Variants in PLA2G12B observed in about 807,000 individuals in gnomAD.
PLA2G12B encodes the protein phospholipase A2 group XIIB.
In PLA2G12B, 19 loss-of-function variants were observed where a neutral mutation model predicts 22.3. The ratio of observed to expected loss-of-function variants is 0.85; its 90% confidence interval spans 0.60 to 1.25. PLA2G12B has a LOEUF of 1.25. Ranked by LOEUF, PLA2G12B falls within the 50% of genes most tolerant of loss-of-function variation. The pLI is 0.00. For synonymous variants in PLA2G12B, 81 were observed against 94.9 expected (o/e 0.85, Z 0.85); for missense variants, 191 against 246.6 (o/e 0.77, Z 1.51).
At chr10:72,940,381 C>A (rs543719985) in intron 3 of PLA2G12B, among the ~76,000 whole-genome samples, 6 of 152,082 alleles carry the variant, frequency 3.9e-5, no homozygotes, top group Non-Finnish European at 7.3e-5. Flanking sequence ...ATTATAGAGT[C>A]GGTGCTAGAA....
At chr10:72,943,900 A>T (rs1216722046) in intron 1 of PLA2G12B, among the ~76,000 whole-genome samples, 1 of 152,230 alleles carries the variant, frequency 6.6e-6, no homozygotes, top group Non-Finnish European at 1.5e-5. Context: ...CTAGTGTAAG[A>T]CTGGGGAAAT....
At chr10:72,945,734 G>A (rs2132974745) in intron 1 of PLA2G12B, among the ~76,000 whole-genome samples, 1 of 151,344 alleles carries the variant, frequency 6.6e-6, no homozygotes, top group Admixed American at 6.6e-5. Flanking sequence ...CGCAATCTCT[G>A]CCTCCCAAGT....
intron 3 of PLA2G12B, among the ~76,000 whole-genome samples, chr10:72,936,767 T>A (rs568970816): frequency 6.6e-6 from 1 of 152,320 alleles, no homozygotes; most frequent in East Asian, 1.9e-4. Context: ...GAATGATATA[T>A]CAATTTTTTT....
chr10:72,938,154 TA>T (rs1846307219), intron 3 of PLA2G12B, among the ~76,000 whole-genome samples: 1 of 148,852 alleles, frequency 6.7e-6, no homozygotes, highest in Non-Finnish European at 1.5e-5. Context: ...AAAGAAAAAT[TA>T]AAAGAAAACA....
In PLA2G12B at chr10:72,934,919, T is replaced by TAACA. The variant is rs946371047; in HGVS notation, c.*694_*697dup. 2.0e-5 allele frequency among the ~76,000 whole-genome samples: 3 copies of TAACA among 152,174 alleles called. No homozygotes were observed. Among genetic ancestry groups the TAACA allele is most frequent in the Non-Finnish European group, 4.4e-5 (3 of 68,026 alleles). ...TACATCTCAGATCTTAGCATGACTCTAACACCATTTAGTAACTGGGAATAC... is the reference window on the plus strand; with the variant it reads ...TACATCTCAGATCTTAGCATGACTCTAACAAACACCATTTAGTAACTGGGAATAC... On this transcript the variant is annotated 3_prime_UTR_variant, in exon 4 of 4. Coordinates refer to ENST00000373032, the MANE Select transcript of PLA2G12B (RefSeq NM_032562.5).
At chr10:72,943,179 T>G (rs570248977) in intron 1 of PLA2G12B, among the ~76,000 whole-genome samples, 38 of 152,294 alleles carry the variant, frequency 2.5e-4, no homozygotes, top group Non-Finnish European at 5.0e-4. Context: ...TTGGCTAGGT[T>G]GGTCTCGAAC....
At chr10:72,952,582 C>CT (rs774207785) in intron 1 of PLA2G12B, among the ~76,000 whole-genome samples, 1 of 152,160 alleles carries the variant, frequency 6.6e-6, no homozygotes, top group Non-Finnish European at 1.5e-5. Context: ...AGAGCAGACT[C>CT]GTTGTTAGGT....
At chr10:72,935,873 C>T in intron 3 of PLA2G12B, 135 bp from the exon 4 acceptor site, 2 of 1,239,084 alleles carry the variant, frequency 1.6e-6, no homozygotes, top group Non-Finnish European at 1.1e-6. Context: ...GCATCCATTT[C>T]AGAGAATGTT....
chr10:72,951,503 G>C (rs1255892999), intron 1 of PLA2G12B, among the ~76,000 whole-genome samples: 1 of 143,678 alleles, frequency 7.0e-6, no homozygotes, highest in African/African-American at 2.7e-5. Context: ...TGTTGCCCAG[G>C]CTGCAGTGCA....
chr10:72,948,454 G>A (rs545696762), intron 1 of PLA2G12B, among the ~76,000 whole-genome samples: 175 of 152,308 alleles, frequency 1.1e-3, no homozygotes, highest in African/African-American at 3.9e-3. Flanking sequence ...AATGGTTTCA[G>A]TCTAGGCAGA....
rs143300306 is a variant in PLA2G12B, at chr10:72,938,440, G to A, written c.467-2702C>T. On this transcript the variant is annotated intron_variant, in intron 3 of 3. Transcript: ENST00000373032. ...TATCTTATATACAAAAAAGCCTATG[G>A]AATCCATGAAAAAAAATATTAGAAC... 3.8e-3 allele frequency among the ~76,000 whole-genome samples: 583 copies of A among 151,970 alleles called. 2 individuals carry two copies. Among genetic ancestry groups the A allele is most frequent in the Non-Finnish European group, 4.7e-3 (321 of 67,968 alleles).
chr10:72,939,588 G>A (rs575525834), intron 3 of PLA2G12B, among the ~76,000 whole-genome samples: 4 of 151,704 alleles, frequency 2.6e-5, no homozygotes, highest in Admixed American at 2.6e-4. Context: ...AATATCCCGT[G>A]ATAAAAACTA....
chr10:72,950,421 G>T (rs1846510206), intron 1 of PLA2G12B, among the ~76,000 whole-genome samples: 1 of 152,170 alleles, frequency 6.6e-6, no homozygotes, highest in South Asian at 2.1e-4. Flanking sequence ...AAATTTTGCT[G>T]TAAAACTTCA....
At chr10:72,950,003 A>C (rs962076472) in intron 1 of PLA2G12B, among the ~76,000 whole-genome samples, 1 of 152,142 alleles carries the variant, frequency 6.6e-6, no homozygotes, top group African/African-American at 2.4e-5. Flanking sequence ...CAGAAAAAAA[A>C]AAAAGAAAGA....
intron 3 of PLA2G12B, among the ~76,000 whole-genome samples, chr10:72,936,126 G>A (rs1451716871): frequency 6.6e-6 from 1 of 152,016 alleles, no homozygotes; most frequent in Non-Finnish European, 1.5e-5. Flanking sequence ...CACTGTTCAA[G>A]TATTGGATGA....
intron 1 of PLA2G12B, among the ~76,000 whole-genome samples, chr10:72,949,094 G>C (rs1453433114): frequency 6.6e-6 from 1 of 152,118 alleles, no homozygotes; most frequent in Non-Finnish European, 1.5e-5. Context: ...GAGTGAGTAT[G>C]CTTTATTAAA....
chr10:72,948,041 A>AT (rs1189730729), intron 1 of PLA2G12B, among the ~76,000 whole-genome samples: 1 of 152,046 alleles, frequency 6.6e-6, no homozygotes, highest in African/African-American at 2.4e-5. Context: ...CGCCCGGCTA[A>AT]TTTTTTGTGT....
At position 72,954,576 on chromosome 10, in the gene PLA2G12B, C is replaced by T. The variant is rs183524396; in HGVS notation, c.110G>A (p.Arg37Gln). ...GGATTCAAAGCTTCCCCGGAGGTGC[C>T]GAAGGCCCCAGTCTGAATAGGACTC... ...TEESYSDWGL[R>Q]HLRGSFESVN... Residue 37 changes from arginine (R) to glutamine (Q), a missense_variant, in exon 1 of 4, where the codon CGG becomes CAG. Coordinates refer to ENST00000373032, the MANE Select transcript of PLA2G12B (RefSeq NM_032562.5). 2.0e-5 allele frequency: 32 copies of T among 1,614,182 alleles called. No individual in the cohort carries two copies. Among genetic ancestry groups the T allele is most frequent in the Non-Finnish European group, 2.5e-5 (30 of 1,180,048 alleles).
chr10:72,949,234 A>AT (rs1398130309), intron 1 of PLA2G12B, among the ~76,000 whole-genome samples: 5 of 152,226 alleles, frequency 3.3e-5, no homozygotes, highest in African/African-American at 1.2e-4. Context: ...TCCAAAAGAA[A>AT]TTCACGGGAG....
Sources: gnomAD v4.1 joint callset for allele counts (sites outside exome capture counted in the v4.1 genomes callset) on GRCh38, gnomAD v4.1.1 for gene constraint, MANE v1.5 for transcripts, NCBI Gene and HGNC (gene_info 2026-07-23, HGNC 2026-07-21) for gene names.